Variants in DNMT3A observed in about 807,000 individuals in gnomAD.
The protein encoded by DNMT3A is DNA methyltransferase 3 alpha.
DNMT3A carries 267 observed loss-of-function variants against 117.6 expected under a neutral mutation model. That is an observed-to-expected ratio of 2.27 (90% CI 2.05 to 2.51). The LOEUF is 2.51. Ranked by LOEUF, DNMT3A falls within the 30% of genes most tolerant of loss-of-function variation. The pLI is 0.00. For synonymous variants in DNMT3A, 432 were observed against 474.8 expected (o/e 0.91, Z 1.17); for missense variants, 1,029 against 1,260.2 (o/e 0.82, Z 2.78).
At chr2:25,321,559 G>A (rs1157085597) in intron 1 of DNMT3A, among the ~76,000 whole-genome samples, 1 of 152,234 alleles carries the variant, frequency 6.6e-6, no homozygotes, top group Admixed American at 6.5e-5. Flanking sequence ...CAGGGGATTA[G>A]GACCTGGCCA....
chr2:25,285,473 T>C (rs972915828), intron 3 of DNMT3A, among the ~76,000 whole-genome samples: 1 of 152,254 alleles, frequency 6.6e-6, no homozygotes, highest in Non-Finnish European at 1.5e-5. Flanking sequence ...GCCAAGCTCC[T>C]TTCCTGCTGT....
rs1264183466 is a variant in DNMT3A, at chr2:25,232,829, C to T, written c.*1450G>A. On this transcript the variant is annotated 3_prime_UTR_variant, in exon 23 of 23. Transcript: ENST00000321117. The surrounding 1 kb of genome is among the most constrained non-coding windows in gnomAD (Gnocchi z 4.1). Reference sequence around the variant, plus strand: ...GAATAATTATAATAAAAGGTGTCATCAGCCTCCCAGTATAAAACTGCAGCC... The same window carrying T: ...GAATAATTATAATAAAAGGTGTCATTAGCCTCCCAGTATAAAACTGCAGCC... 4.5e-6 allele frequency: 1 copy of T among 221,800 alleles called. No individual in the cohort carries two copies. Among genetic ancestry groups the T allele is most frequent in the African/African-American group, 2.2e-5 (1 of 44,598 alleles). The allele number at this position is 221,800 out of a possible 1,614,324, so 13.7% of individuals were successfully genotyped here. A position where few individuals can be genotyped will look rare whatever the true frequency, so the allele number is the denominator to read the frequency against.
At chr2:25,300,078 C>A in intron 3 of DNMT3A, 61 bp downstream of exon 3, 1 of 1,553,374 alleles carries the variant, frequency 6.4e-7, no homozygotes, top group Non-Finnish European at 8.8e-7. Flanking sequence ...CTGCCATCGA[C>A]AGGCCAGGCA....
rs2149272501 is a variant in DNMT3A at position 25,240,441 on chromosome 2, C to T, written c.2183G>A (p.Gly728Asp). ...PARKGLYEGT[G>D]RLFFEFYRLL... Reference sequence around the variant, plus strand: ...GCGGTAGAACTCAAAGAAGAGCCGGCCAGTGCCCTCTGAGAGGTCGGAAGA... The same window carrying T: ...GCGGTAGAACTCAAAGAAGAGCCGGTCAGTGCCCTCTGAGAGGTCGGAAGA... Residue 728 changes from glycine (G) to aspartate (D), a missense_variant, in exon 19 of 23, where the codon GGC becomes GAC. Physicochemically the swap from Gly to Asp is moderately conservative, Grantham distance 94. Coordinates refer to ENST00000321117, the MANE Select transcript of DNMT3A (RefSeq NM_022552.5). 1.2e-6 allele frequency: 2 copies of T among 1,607,792 alleles called. No homozygotes were observed. Among genetic ancestry groups the T allele is most frequent in the Non-Finnish European group, 1.7e-6 (2 of 1,176,952 alleles).
chr2:25,272,977 A>ATTTTTTTTTTTTTTT (rs70947875), intron 6 of DNMT3A, among the ~76,000 whole-genome samples: 2 of 106,480 alleles, frequency 1.9e-5, no homozygotes, highest in African/African-American at 4.3e-5. Flanking sequence ...AATTGTTTGT[A>ATTTTTTTTTTTTTTT]TTTTTTTTTT....
At chr2:25,285,953 C>T (rs1025511274) in intron 3 of DNMT3A, among the ~76,000 whole-genome samples, 1 of 152,084 alleles carries the variant, frequency 6.6e-6, no homozygotes, top group African/African-American at 2.4e-5. Context: ...TAGAGGTATG[C>T]GTGGGGTCCT....
chr2:25,247,594 TGA>T lies in DNMT3A; in HGVS notation c.1009_1010del (p.Val338GlyfsTer4). On this transcript the variant is annotated frameshift_variant, in exon 8 of 23. Coordinates refer to ENST00000321117, the MANE Select transcript of DNMT3A (RefSeq NM_022552.5). LOFTEE classifies it high-confidence loss of function. This position sits in a 1 kb window ranked among gnomAD's most constrained non-coding sequence, Gnocchi z 5.6. The part of the protein sequence containing the change: ...WVMWFGDGKF[S>X]VVCVEKLMPL... ...ACTGCCAAACCCCACAACTTACCAC[TGA>T]GAATTTGCCGTCTCCGAACCACATG... 1 of 1,613,444 alleles carries T rather than the reference TGA, an allele frequency of 6.2e-7. No homozygotes were observed.
intron 3 of DNMT3A, 63 bp downstream of exon 3, chr2:25,300,076 G>C (rs1434826286): frequency 7.8e-6 from 12 of 1,546,210 alleles, no homozygotes; most frequent in Non-Finnish European, 1.8e-6. Context: ...CACTGCCATC[G>C]ACAGGCCAGG....
In DNMT3A at chr2:25,240,371, G is replaced by T; in HGVS notation, c.2253C>A (p.Phe751Leu). 1 of 1,614,172 alleles carries T rather than the reference G, an allele frequency of 6.2e-7. No individual in the cohort carries two copies. The highest frequency in any genetic ancestry group is 8.5e-7 in the Non-Finnish European group (1 of 1,180,010). Residue 751 changes from phenylalanine to leucine, a missense_variant, in exon 19 of 23, where the codon TTC (phenylalanine) becomes TTA (leucine). Coordinates refer to ENST00000321117, the MANE Select transcript of DNMT3A (RefSeq NM_022552.5). ...ARPKEGDDRP[F>L]FWLFENVVAM... Reference sequence around the variant, plus strand: ...CCACCACATTCTCAAAGAGCCAGAAGAAGGGGCGATCATCTCCCTCCTTGG... The same window carrying T: ...CCACCACATTCTCAAAGAGCCAGAATAAGGGGCGATCATCTCCCTCCTTGG...
At chr2:25,244,433 T>C (rs1674478870) in intron 14 of DNMT3A, 95 bp from the exon 15 acceptor site, 2 of 1,536,040 alleles carry the variant, frequency 1.3e-6, no homozygotes, top group Non-Finnish European at 1.8e-6. Flanking sequence ...GTCTGGAGCA[T>C]GGCTAGGGGG....
rs190080639 is a variant in DNMT3A at position 25,315,402 on chromosome 2, A to G, written c.-177-1241T>C. On this transcript the variant is annotated intron_variant, in intron 1 of 22. Transcript: ENST00000321117. ...GGGCCAGGACAGGAAGAGCTCCATC[A>G]GGTCAACCCAGAAAGGCTTGAAGCG... Among the ~76,000 whole-genome samples the G allele has an allele frequency of 3.6e-3, 550 of 152,322 alleles. 5 individuals carry two copies. The highest frequency in any genetic ancestry group is 0.013 in the African/African-American group (526 of 41,566).
chr2:25,232,928 G>T lies in DNMT3A; in HGVS notation c.*1351C>A, dbSNP rs537769164. On this transcript the variant is annotated 3_prime_UTR_variant, in exon 23 of 23. Transcript: ENST00000321117. The surrounding 1 kb of genome is among the most constrained non-coding windows in gnomAD (Gnocchi z 4.1). ...GTGCACAGAGGGGTGGATGGTGGGG[G>T]CCTCATAAAAGAACACACAAAAGGC... The T allele has an allele frequency of 8.6e-6, 2 of 231,318 alleles. No homozygotes were observed. Among genetic ancestry groups the T allele is most frequent in the African/African-American group, 4.4e-5 (2 of 45,334 alleles). The allele number at this position is 231,318 out of a possible 1,614,324, so 14.3% of individuals were successfully genotyped here. A position where few individuals can be genotyped will look rare whatever the true frequency, so the allele number is the denominator to read the frequency against.
intron 3 of DNMT3A, among the ~76,000 whole-genome samples, chr2:25,284,645 T>TGAAAAA (rs1287436463): frequency 2.6e-3 from 44 of 16,640 alleles, no homozygotes; most frequent in Admixed American, 3.2e-3. Flanking sequence ...AGACTCCATC[T>TGAAAAA]AAAAAAAAAA....
rs751918466 is a variant in DNMT3A, at chr2:25,282,444, C to T, written c.445G>A (p.Ala149Thr). ...PKEGRGAPAE[A>T]GKEQKETNIE... ...GCCCCTGGTGCTGAGGACTCACCCGCTTCTGCAGGGGCTCCTCGGCCCTCC... is the reference window on the plus strand; with the variant it reads ...GCCCCTGGTGCTGAGGACTCACCCGTTTCTGCAGGGGCTCCTCGGCCCTCC... Residue 149 changes from alanine to threonine, a missense_variant, in exon 4 of 23, where the codon GCG (alanine) becomes ACG (threonine). Transcript: ENST00000321117. The surrounding 1 kb of genome is among the most constrained non-coding windows in gnomAD (Gnocchi z 5.2). 6.8e-6 allele frequency: 11 copies of T among 1,612,418 alleles called. No individual in the cohort carries two copies. The Admixed American group carries it at 1.7e-4, about 24-fold the overall frequency.
In DNMT3A at chr2:25,252,090, G is replaced by T; in HGVS notation, c.640-3838C>A. ...CGCCGCGGCTGCTGCGGGCCGGGGA[G>T]GCATACTTCACTCTTTTCAAACCCG... On this transcript the variant is annotated intron_variant, in intron 6 of 22. Coordinates refer to ENST00000321117, the MANE Select transcript of DNMT3A (RefSeq NM_022552.5). The surrounding 1 kb of genome is among the most constrained non-coding windows in gnomAD (Gnocchi z 5.5). 7.0e-7 allele frequency: 1 copy of T among 1,430,206 alleles called. No homozygotes were observed. 88.6% of individuals were successfully genotyped at this position (1,430,206 alleles called of 1,614,324 possible).
chr2:25,234,373 C>T lies in DNMT3A; in HGVS notation c.2645G>A (p.Arg882His), dbSNP rs147001633. Reference sequence around the variant, plus strand: ...GCCCAGCAGTCTCTGCCTCGCCAAGCGGCTCATGTTGGAGACGTCAGTATA... The same window carrying T: ...GCCCAGCAGTCTCTGCCTCGCCAAGTGGCTCATGTTGGAGACGTCAGTATA... ...VHYTDVSNMSRLARQRLLGRS... is the reference protein window; with the variant it reads ...VHYTDVSNMSHLARQRLLGRS... Residue 882 changes from arginine to histidine, a missense_variant, in exon 23 of 23, where the codon CGC (arginine) becomes CAC (histidine). Arg to His is a conservative substitution (Grantham distance 29). Coordinates refer to ENST00000321117, the MANE Select transcript of DNMT3A (RefSeq NM_022552.5). The surrounding 1 kb of genome is among the most constrained non-coding windows in gnomAD (Gnocchi z 4.5). 427 of 1,612,436 alleles carry T rather than the reference C, an allele frequency of 2.6e-4. No individual in the cohort carries two copies. Among genetic ancestry groups the T allele is most frequent in the African/African-American group, 4.5e-4 (34 of 74,814 alleles).
At chr2:25,315,532 G>A (rs1047700088) in intron 1 of DNMT3A, among the ~76,000 whole-genome samples, 7 of 152,212 alleles carry the variant, frequency 4.6e-5, no homozygotes, top group South Asian at 2.1e-4. Context: ...TTTGCTGCCC[G>A]GGTCCCGAGA....
At chr2:25,334,263 G>A (rs1241041270) in intron 1 of DNMT3A, among the ~76,000 whole-genome samples, 3 of 152,190 alleles carry the variant, frequency 2.0e-5, no homozygotes, top group African/African-American at 7.2e-5. Flanking sequence ...ACTGCAGACA[G>A]AGGAACTTGT....
At chr2:25,303,590 C>T (rs747274237) in intron 2 of DNMT3A, among the ~76,000 whole-genome samples, 12 of 152,370 alleles carry the variant, frequency 7.9e-5, no homozygotes, top group African/African-American at 1.4e-4. Context: ...AGGAGCTTTA[C>T]GGCTGGCCCA....
Sources: gnomAD v4.1 joint callset for allele counts (sites outside exome capture counted in the v4.1 genomes callset) on GRCh38, gnomAD v4.1.1 for gene constraint, Gnocchi (gnomAD v3.1) non-coding constraint, MANE v1.5 for transcripts, NCBI Gene and HGNC (gene_info 2026-07-23, HGNC 2026-07-21) for gene names.